The following GABRG3 variants were observed in gnomAD, a reference collection of about 807,000 sequenced individuals.
The protein encoded by GABRG3 is gamma-aminobutyric acid type A receptor subunit gamma3.
Under a neutral mutation model 48.8 loss-of-function variants are expected in GABRG3, and 25 were observed. The ratio of observed to expected loss-of-function variants is 0.51; its 90% CI spans 0.37 to 0.72. The LOEUF (loss-of-function observed/expected upper bound fraction) is 0.72, where lower values mean the gene tolerates loss of function less well. Among genes scored for constraint, GABRG3 ranks in the 30% least tolerant of loss-of-function variants. The pLI, the probability that GABRG3 is intolerant of heterozygous loss-of-function variation, is 0.00. For synonymous variants in GABRG3, 227 were observed against 217.6 expected, an observed-to-expected ratio of 1.04 and a Z score of -0.38; for missense variants, 394 against 577.9, an observed-to-expected ratio of 0.68 and a Z score of 3.26.
At chr15:27,019,048 C>T (rs1458752470) in intron 2 of GABRG3, among the ~76,000 whole-genome samples, 1 of 140,134 alleles carries the variant, frequency 7.1e-6, no homozygotes, top group East Asian at 2.0e-4. Context: ...TATTTGTTCC[C>T]TAGAGTCTTT....
chr15:27,476,407 T>TA (rs1013919189), intron 5 of GABRG3, among the ~76,000 whole-genome samples: 2 of 151,882 alleles, frequency 1.3e-5, no homozygotes, highest in South Asian at 2.1e-4. Flanking sequence ...AATCATGCCT[T>TA]AAAAAAATCA....
At chr15:27,355,732 G>A (rs991447425) in intron 5 of GABRG3, among the ~76,000 whole-genome samples, 26 of 152,256 alleles carry the variant, frequency 1.7e-4, no homozygotes, top group African/African-American at 3.9e-4. Flanking sequence ...GATGTCTATC[G>A]CTAATGAATG....
chr15:27,134,691 G>C (rs965802213), intron 3 of GABRG3, among the ~76,000 whole-genome samples: 13 of 152,190 alleles, frequency 8.5e-5, no homozygotes, highest in Admixed American at 7.9e-4. Flanking sequence ...TGTCGCTAAA[G>C]TCACCTCCTC....
At chr15:27,251,881 G>C (rs1021575024) in intron 3 of GABRG3, among the ~76,000 whole-genome samples, 2 of 152,202 alleles carry the variant, frequency 1.3e-5, no homozygotes, top group Non-Finnish European at 2.9e-5. Context: ...TGCCGCCTCT[G>C]ATAGCCCGGG....
At chr15:27,497,721 T>C (rs1424179130) in intron 6 of GABRG3, among the ~76,000 whole-genome samples, 4 of 152,230 alleles carry the variant, frequency 2.6e-5, no homozygotes, top group Non-Finnish European at 5.9e-5. Context: ...GTGTGTTTCA[T>C]ATGAGTGTTT....
At chr15:27,152,386 T>C (rs112926784) in intron 3 of GABRG3, among the ~76,000 whole-genome samples, 36 of 152,338 alleles carry the variant, frequency 2.4e-4, no homozygotes, top group African/African-American at 8.4e-4. Flanking sequence ...ACCATAGTTA[T>C]TAAAAATTCT....
chr15:27,505,291 G>T (rs560028260), intron 6 of GABRG3, among the ~76,000 whole-genome samples: 21 of 152,266 alleles, frequency 1.4e-4, no homozygotes, highest in African/African-American at 5.1e-4. Context: ...TACTGGTGAT[G>T]TTAACCTTGA....
chr15:27,323,886 A>G (rs1454482289), intron 3 of GABRG3, among the ~76,000 whole-genome samples: 3 of 152,168 alleles, frequency 2.0e-5, no homozygotes, highest in Non-Finnish European at 2.9e-5. Flanking sequence ...TGCTCCACAC[A>G]GTCTCTCAGG....
At chr15:27,103,349 C>T (rs1401014454) in intron 3 of GABRG3, among the ~76,000 whole-genome samples, 1 of 152,184 alleles carries the variant, frequency 6.6e-6, no homozygotes. Context: ...ACTCCCCAGG[C>T]ACAGTTAAAG....
Position 27,378,775 on chromosome 15 carries a change from A to G in GABRG3, c.574+49887A>G, listed in dbSNP as rs138341532. On this transcript the variant is annotated intron_variant, in intron 5 of 9. Coordinates refer to ENST00000615808, the MANE Select transcript of GABRG3 (RefSeq NM_033223.5). Reference sequence around the variant, plus strand: ...ATGAAAGAGATTTCATTTCGCTGGAAAATTACACTCAGATCATGCAAACCT... The same window carrying G: ...ATGAAAGAGATTTCATTTCGCTGGAGAATTACACTCAGATCATGCAAACCT... 1.4e-4 allele frequency among the ~76,000 whole-genome samples: 21 copies of G among 152,308 alleles called. No homozygotes were observed. The South Asian group carries it at 4.4e-3, about 32-fold the overall frequency.
chr15:27,370,393 A>C (rs1474437326), intron 5 of GABRG3, among the ~76,000 whole-genome samples: 1 of 152,210 alleles, frequency 6.6e-6, no homozygotes, highest in African/African-American at 2.4e-5. Flanking sequence ...CTTGTTCTGC[A>C]GCTCTTGCTT....
At chr15:27,373,923 A>C (rs1595711913) in intron 5 of GABRG3, among the ~76,000 whole-genome samples, 1 of 152,076 alleles carries the variant, frequency 6.6e-6, no homozygotes, top group Non-Finnish European at 1.5e-5. Context: ...TCTCCATGTA[A>C]TATTAATCTG....
intron 3 of GABRG3, among the ~76,000 whole-genome samples, chr15:27,229,769 G>A (rs139736307): frequency 3.0e-4 from 46 of 152,206 alleles, no homozygotes; most frequent in South Asian, 2.3e-3. Context: ...GAGCCTCTGC[G>A]CCCAGCTATG....
At chr15:27,244,402 C>T (rs1890216169) in intron 3 of GABRG3, among the ~76,000 whole-genome samples, 1 of 152,114 alleles carries the variant, frequency 6.6e-6, no homozygotes, top group African/African-American at 2.4e-5. Context: ...AGCATCTCCC[C>T]CAGGAGGTGC....
chr15:27,353,970 C>T (rs1000665996), intron 5 of GABRG3, among the ~76,000 whole-genome samples: 9 of 152,114 alleles, frequency 5.9e-5, no homozygotes, highest in African/African-American at 2.2e-4. Flanking sequence ...ACCTCCAGCC[C>T]CTGGGGCAAT....
intron 5 of GABRG3, among the ~76,000 whole-genome samples, chr15:27,444,635 A>T (rs1057333854): frequency 3.9e-5 from 6 of 152,250 alleles, no homozygotes; most frequent in African/African-American, 1.4e-4. Flanking sequence ...AATATATCTA[A>T]TATGTTTGGA....
intron 3 of GABRG3, among the ~76,000 whole-genome samples, chr15:27,055,598 A>G (rs999696829): frequency 2.0e-5 from 3 of 152,246 alleles, no homozygotes; most frequent in Non-Finnish European, 4.4e-5. Context: ...CCATAGGAAT[A>G]ATAAAATTAC....
chr15:27,229,084 C>G (rs879951897), intron 3 of GABRG3, among the ~76,000 whole-genome samples: 1 of 152,176 alleles, frequency 6.6e-6, no homozygotes. Flanking sequence ...TCCCACTTGT[C>G]AATTTTTGCC....
intron 2 of GABRG3, among the ~76,000 whole-genome samples, chr15:26,996,549 G>C (rs1244655399): frequency 6.6e-6 from 1 of 151,884 alleles, no homozygotes; most frequent in Non-Finnish European, 1.5e-5. Context: ...GAATTCCTTT[G>C]TGTTTTTCTT....
Sources: gnomAD v4.1 joint callset for allele counts (sites outside exome capture counted in the v4.1 genomes callset) on GRCh38, gnomAD v4.1.1 for gene constraint, MANE v1.5 for transcripts, NCBI Gene and HGNC (gene_info 2026-07-23, HGNC 2026-07-21) for gene names.